TTC27: variants seen among roughly 807,000 people sequenced by gnomAD.
TTC27 encodes tetratricopeptide repeat protein 27.
In TTC27, 79 loss-of-function variants were observed where a neutral mutation model predicts 115.9. That is an observed-to-expected ratio of 0.68 (90% confidence interval 0.57 to 0.82). The LOEUF (loss-of-function observed/expected upper bound fraction) is 0.82, where lower values mean the gene tolerates loss of function less well. Among genes scored for constraint, TTC27 ranks in the 40% least tolerant of loss-of-function variants. The pLI, the probability that TTC27 is intolerant of heterozygous loss-of-function variation, is 0.00. For synonymous variants in TTC27, 401 were observed against 356.0 expected (o/e 1.13, Z -1.42); for missense variants, 1,054 against 993.1 (o/e 1.06, Z -0.82).
chr2:32,733,694 A>G, intron 10 of TTC27, 134 bp from the exon 11 acceptor site: 5 of 458,702 alleles, frequency 1.1e-5, no homozygotes, highest in Non-Finnish European at 1.1e-5. Context: ...AAAAATTCAC[A>G]CATCCTATCA....
intron 11 of TTC27, among the ~76,000 whole-genome samples, chr2:32,734,265 G>C (rs1370955640): frequency 1.3e-5 from 2 of 151,894 alleles, no homozygotes; most frequent in Non-Finnish European, 2.9e-5. Context: ...GCGATTCACG[G>C]GTGTGATCAT....
chr2:32,793,563 C>G (rs1360845614), intron 16 of TTC27, among the ~76,000 whole-genome samples: 1 of 152,220 alleles, frequency 6.6e-6, no homozygotes, highest in Non-Finnish European at 1.5e-5. Context: ...CGCTCTGTCA[C>G]CCAGGCTGGA....
At chr2:32,781,045 T>C (rs867780016) in intron 14 of TTC27, among the ~76,000 whole-genome samples, 20 of 152,212 alleles carry the variant, frequency 1.3e-4, no homozygotes, top group African/African-American at 4.8e-4. Flanking sequence ...GAGAAATTCA[T>C]TGGCACTTAC....
chr2:32,650,793 A>T (rs968409625), intron 5 of TTC27, among the ~76,000 whole-genome samples: 1 of 152,204 alleles, frequency 6.6e-6, no homozygotes, highest in African/African-American at 2.4e-5. Flanking sequence ...TTTTTGTAAC[A>T]TATAATATAC....
Position 32,798,819 on chromosome 2 carries a change from A to G in TTC27, c.1998+11670A>G, listed in dbSNP as rs144052835. 2.4e-3 allele frequency among the ~76,000 whole-genome samples: 369 copies of G among 152,216 alleles called. 1 individual carries two copies. Among genetic ancestry groups the G allele is most frequent in the African/African-American group, 8.3e-3 (343 of 41,526 alleles). On this transcript the variant is annotated intron_variant, in intron 16 of 19. Coordinates refer to ENST00000317907, the MANE Select transcript of TTC27 (RefSeq NM_017735.5). ...TAAAACAGTACAGCTGCTGTGGAAA[A>G]CAGTATGGTAGTTCCTTTAAAAATC...
At chr2:32,784,284 A>G (rs1670278386) in intron 15 of TTC27, among the ~76,000 whole-genome samples, 1 of 152,190 alleles carries the variant, frequency 6.6e-6, no homozygotes, top group African/African-American at 2.4e-5. Context: ...AGCTCCACAA[A>G]TAGGTTTTCA....
In TTC27 at chr2:32,640,038, C is replaced by CA. The variant is rs1159243320; in HGVS notation, c.397-226dup. Among the ~76,000 whole-genome samples, 5 of 151,814 alleles carry CA rather than the reference C, an allele frequency of 3.3e-5. No individual in the cohort carries two copies. The East Asian group carries it at 7.8e-4, about 24-fold the overall frequency. On this transcript the variant is annotated intron_variant, in intron 3 of 19. Coordinates refer to ENST00000317907, the MANE Select transcript of TTC27 (RefSeq NM_017735.5). Reference sequence around the variant, plus strand: ...AAACAAAAACAAAACACCAAAAACCCAAAAAATCAAGTTTGATCAGATGGG... The same window carrying CA: ...AAACAAAAACAAAACACCAAAAACCCAAAAAAATCAAGTTTGATCAGATGGG...
At chr2:32,673,687 A>T (rs2008385) in intron 8 of TTC27, among the ~76,000 whole-genome samples, 151,054 of 152,346 alleles carry the variant, frequency 0.99, 74,903 homozygotes, top group Middle Eastern at 1. Context: ...AAAGTTATTC[A>T]TTTATTTTGT....
chr2:32,784,286 A>T (rs1389050340), intron 15 of TTC27, among the ~76,000 whole-genome samples: 1 of 152,164 alleles, frequency 6.6e-6, no homozygotes, highest in African/African-American at 2.4e-5. Flanking sequence ...CTCCACAAAT[A>T]GGTTTTCATG....
Position 32,710,444 on chromosome 2 carries a change from T to TTC in TTC27, c.1233+7524_1233+7525insTC, listed in dbSNP as rs35935473. Among the ~76,000 whole-genome samples, 323 of 151,078 alleles carry TTC rather than the reference T, an allele frequency of 2.1e-3. 1 individual carries two copies. The highest frequency in any genetic ancestry group is 7.4e-3 in the African/African-American group (305 of 41,044). On this transcript the variant is annotated intron_variant, in intron 10 of 19. Transcript: ENST00000317907. ...GTATATAGCTTTTTTTTTTTTTTTT[T>TTC]CTGAGATGGAGTCTTGCTCTGTTAC...
intron 1 of TTC27, among the ~76,000 whole-genome samples, chr2:32,628,839 C>T (rs1047390171): frequency 9.2e-5 from 14 of 152,050 alleles, no homozygotes; most frequent in Non-Finnish European, 2.1e-4. Context: ...CGGCTCGCTG[C>T]AACCTCCGCC....
chr2:32,742,714 G>A (rs1294615413), intron 12 of TTC27, among the ~76,000 whole-genome samples: 1 of 152,184 alleles, frequency 6.6e-6, no homozygotes, highest in Admixed American at 6.5e-5. Context: ...CTGTGCCCCT[G>A]TCATCTTTAT....
chr2:32,741,667 AAAC>A (rs148675968), intron 12 of TTC27, among the ~76,000 whole-genome samples: 7 of 146,218 alleles, frequency 4.8e-5, no homozygotes, highest in South Asian at 2.1e-4. Context: ...ACAAAAAACA[AAAC>A]AACAACAACA....
intron 9 of TTC27, among the ~76,000 whole-genome samples, chr2:32,684,756 C>G (rs1572513457): frequency 6.6e-6 from 1 of 151,910 alleles, no homozygotes; most frequent in Non-Finnish European, 1.5e-5. Flanking sequence ...AGTGCTTGTA[C>G]TTTTGATAGT....
chr2:32,648,655 C>T, intron 4 of TTC27, among the ~76,000 whole-genome samples: 1 of 151,806 alleles, frequency 6.6e-6, no homozygotes, highest in East Asian at 1.9e-4. Flanking sequence ...GAAAAAGCAT[C>T]AGCGAATAAA....
intron 11 of TTC27, among the ~76,000 whole-genome samples, chr2:32,734,649 A>G (rs935140976): frequency 3.9e-5 from 6 of 152,144 alleles, no homozygotes; most frequent in African/African-American, 1.4e-4. Flanking sequence ...AGCACTGAAA[A>G]TAACTTAAGA....
chr2:32,689,308 T>C (rs1666737549), intron 9 of TTC27, among the ~76,000 whole-genome samples: 1 of 152,158 alleles, frequency 6.6e-6, no homozygotes, highest in South Asian at 2.1e-4. Context: ...GTTTTATTCA[T>C]CTGTCATATA....
chr2:32,642,514 A>C (rs1047572946), intron 4 of TTC27, among the ~76,000 whole-genome samples: 3 of 152,026 alleles, frequency 2.0e-5, no homozygotes, highest in Non-Finnish European at 4.4e-5. Context: ...TGGCCTCCCA[A>C]AGTGCTGGGA....
At chr2:32,663,865 A>G (rs757964531) in intron 5 of TTC27, among the ~76,000 whole-genome samples, 6 of 151,966 alleles carry the variant, frequency 3.9e-5, no homozygotes, top group Non-Finnish European at 8.8e-5. Flanking sequence ...TTGTATCTTT[A>G]GTAGAGATGG....
Sources: allele counts gnomAD v4.1 joint callset (sites outside exome capture counted in the v4.1 genomes callset), GRCh38; gene constraint gnomAD v4.1.1; transcripts MANE v1.5; gene names NCBI Gene and HGNC (gene_info 2026-07-23, HGNC 2026-07-21).